Variants in ERCC2 observed in about 807,000 individuals in gnomAD.
ERCC2 encodes general transcription and DNA repair factor IIH helicase subunit XPD.
Under a neutral mutation model 99.4 loss-of-function variants are expected in ERCC2, and 90 were observed. That is an observed-to-expected ratio of 0.91 (90% CI 0.76 to 1.08). The LOEUF is 1.08. Ranked by LOEUF, ERCC2 falls within the 50% of genes least tolerant of loss-of-function variation. The pLI, the probability that ERCC2 is intolerant of heterozygous loss-of-function variation, is 0.00. For missense variants in ERCC2, 993 were observed against 1,038.1 expected, an observed-to-expected ratio of 0.96 and a Z score of 0.60; for synonymous variants, 497 against 432.4, an observed-to-expected ratio of 1.15 and a Z score of -1.85.
rs1359215642 is a variant in ERCC2, at chr19:45,357,330, G to T, written c.1419C>A (p.Phe473Leu). ...PLDIYPKILD[F>L]HPVTMATFTM... The stretch of plus-strand genomic sequence containing the variant: ...TGAAGGTTGCCATGGTGACGGGGTG[G>T]AAGTCCAGGATCTTGGGGTAGATGT... Residue 473 changes from phenylalanine (F) to leucine (L), a missense_variant, in exon 15 of 23, where the codon TTC becomes TTA. Phe to Leu is a conservative substitution (Grantham distance 22, BLOSUM62 0). Coordinates refer to ENST00000391945, the MANE Select transcript of ERCC2 (RefSeq NM_000400.4). The T allele has an allele frequency of 1.4e-5, 22 of 1,614,074 alleles. 1 individual carries two copies. The highest frequency in any genetic ancestry group is 2.2e-5 in the South Asian group (2 of 91,088).
chr19:45,362,604 G>C (rs1042343819), intron 11 of ERCC2, among the ~76,000 whole-genome samples: 1 of 152,244 alleles, frequency 6.6e-6, no homozygotes, highest in African/African-American at 2.4e-5. Flanking sequence ...TCTAACCCCA[G>C]GCGCCTACCC....
intron 15 of ERCC2, among the ~76,000 whole-genome samples, chr19:45,356,042 G>A (rs1210673501): frequency 1.3e-5 from 2 of 152,184 alleles, no homozygotes; most frequent in African/African-American, 4.8e-5. Context: ...TGGGCTCAGA[G>A]AAGGTGAGTT....
chr19:45,361,257 T>C (rs920836744), intron 12 of ERCC2, among the ~76,000 whole-genome samples: 7 of 151,820 alleles, frequency 4.6e-5, no homozygotes, highest in African/African-American at 1.7e-4. Context: ...GCTGACCCCA[T>C]AGAATTTCTC....
intron 5 of ERCC2, among the ~76,000 whole-genome samples, chr19:45,367,166 G>A (rs544458039): frequency 1.3e-5 from 2 of 152,120 alleles, no homozygotes; most frequent in East Asian, 1.9e-4. Flanking sequence ...GTGAAACACC[G>A]TCTCTACTAA....
intron 1 of ERCC2, 128 bp downstream of exon 1, chr19:45,370,408 C>T (rs1015234456): frequency 3.3e-6 from 5 of 1,502,804 alleles, no homozygotes; most frequent in African/African-American, 1.4e-5. Context: ...CTGCTCCCTG[C>T]GGCTGCCCCC....
chr19:45,358,170 C>T (rs942412348), intron 12 of ERCC2: 16 of 241,508 alleles, frequency 6.6e-5, no homozygotes, highest in African/African-American at 2.2e-4. Flanking sequence ...CTGCCTCAGC[C>T]TCTTGAGTAG....
intron 11 of ERCC2, 59 bp downstream of exon 11, chr19:45,363,684 C>G: frequency 6.7e-7 from 1 of 1,494,512 alleles, no homozygotes; most frequent in Non-Finnish European, 8.9e-7. Flanking sequence ...GTGGAGGACA[C>G]GGCTCTGCAT....
chr19:45,357,458 G>A lies in ERCC2; in HGVS notation c.1377+16C>T, dbSNP rs372345067. On this transcript the variant is annotated intron_variant, in intron 14 of 22. Coordinates refer to ENST00000391945, the MANE Select transcript of ERCC2 (RefSeq NM_000400.4). ...GGGAGGTCAGGGACTAGGAGGGGAC[G>A]GGGAAGGGTCCTTACCCCAGATGTG... 2.8e-4 allele frequency: 449 copies of A among 1,613,736 alleles called. No individual in the cohort carries two copies. Among genetic ancestry groups the A allele is most frequent in the East Asian group, 6.5e-4 (29 of 44,800 alleles).
chr19:45,351,365 TGAAC>T lies in ERCC2; in HGVS notation c.*260_*263del. 1 of 1,609,680 alleles carries T rather than the reference TGAAC, an allele frequency of 6.2e-7. No individual in the cohort carries two copies. Among genetic ancestry groups the T allele is most frequent in the Non-Finnish European group, 8.5e-7 (1 of 1,179,978 alleles). On this transcript the variant is annotated 3_prime_UTR_variant, in exon 23 of 23. Coordinates refer to ENST00000391945, the MANE Select transcript of ERCC2 (RefSeq NM_000400.4). ...GACCTGAGCCCCCACTAACGTCCAG[TGAAC>T]TGCGCTGGCCGCAGCTTCTTGGGAA...
chr19:45,355,749 C>T (rs372053001), intron 15 of ERCC2, 21 bp from the exon 16 acceptor site: 172 of 1,611,650 alleles, frequency 1.1e-4, no homozygotes, highest in South Asian at 2.3e-4. Flanking sequence ...ACAGAGGTCA[C>T]GATAAGCGAG....
chr19:45,361,507 GA>G lies in ERCC2; in HGVS notation c.1237+16del, dbSNP rs776704162. 3.7e-5 allele frequency: 59 copies of G among 1,589,196 alleles called. No individual in the cohort carries two copies. Among genetic ancestry groups the G allele is most frequent in the Non-Finnish European group, 5.2e-6 (6 of 1,157,706 alleles). On this transcript the variant is annotated intron_variant, in intron 12 of 22. Transcript: ENST00000391945. ...GCTGCTAGGAGGCCCAGCAGGGACA[GA>G]AAAAGGTGAGCTTACCTTTGGCGTA...
rs573209238 is a variant in ERCC2 at position 45,359,219 on chromosome 19, G to T, written c.1238-1520C>A. Among the ~76,000 whole-genome samples, 12 of 152,254 alleles carry T rather than the reference G, an allele frequency of 7.9e-5. No homozygotes were observed. The South Asian group carries it at 2.5e-3, about 32-fold the overall frequency. On this transcript the variant is annotated intron_variant, in intron 12 of 22. Transcript: ENST00000391945. ...TAAGGATGAGGGGGAGGTGGTTGGG[G>T]GATGAGGAAGATGAGGAAGGATGAT...
intron 5 of ERCC2, among the ~76,000 whole-genome samples, chr19:45,367,606 C>T (rs3916802): frequency 6.6e-6 from 1 of 151,646 alleles, no homozygotes; most frequent in Non-Finnish European, 1.5e-5. Context: ...CAACCTCCCC[C>T]TCGGGAGTTC....
In ERCC2 at chr19:45,355,305, C is replaced by T. The variant is rs150415627; in HGVS notation, c.1543+360G>A. Among the ~76,000 whole-genome samples, 260 of 152,234 alleles carry T rather than the reference C, an allele frequency of 1.7e-3. 1 individual carries two copies. Among genetic ancestry groups the T allele is most frequent in the African/African-American group, 6.1e-3 (254 of 41,508 alleles). ...CCGCAAGGCAGAGACTGCAGTGAGC[C>T]GAGATCATGCCACTGCACTCCAGCC... On this transcript the variant is annotated intron_variant, in intron 16 of 22. Transcript: ENST00000391945.
chr19:45,354,732 G>A lies in ERCC2; in HGVS notation c.1663C>T (p.Gln555Ter). ...MESTVASWYE[Q>*]GILENIQRNK... ...AGGGAGGGGGTGGCCAGGCGTACCT[G>A]CTCATACCAGGAGGCCACGGTGCTC... Residue 555 changes from glutamine (Q) to a stop codon, truncating the protein, a stop_gained and splice_region_variant, in exon 17 of 23, where the codon CAG (glutamine) becomes TAG (stop). Transcript: ENST00000391945. LOFTEE classifies it high-confidence loss of function. 1.2e-6 allele frequency: 2 copies of A among 1,613,886 alleles called. No individual in the cohort carries two copies. The highest frequency in any genetic ancestry group is 1.3e-5 in the African/African-American group (1 of 75,030).
Position 45,350,687 on chromosome 19 carries a change from G to A in ERCC2, c.*942C>T, listed in dbSNP as rs896034965. 6.2e-7 allele frequency: 1 copy of A among 1,613,918 alleles called. No individual in the cohort carries two copies. The highest frequency in any genetic ancestry group is 8.5e-7 in the Non-Finnish European group (1 of 1,179,946). ...CTCTCCAAGATCCGTGAGTCTATCA[G>A]GCGAGGAAGTGAGAAGCTGGTCTCC... On this transcript the variant is annotated 3_prime_UTR_variant, in exon 23 of 23. Transcript: ENST00000391945.
chr19:45,365,294 G>A (rs536668645), intron 5 of ERCC2, 136 bp from the exon 6 acceptor site: 64 of 710,580 alleles, frequency 9.0e-5, no homozygotes, highest in Admixed American at 6.8e-4. Context: ...TAGTTAAGAC[G>A]CGTGGGAACT....
At chr19:45,355,314 G>A (rs1241989131) in intron 16 of ERCC2, among the ~76,000 whole-genome samples, 2 of 151,994 alleles carry the variant, frequency 1.3e-5, no homozygotes, top group African/African-American at 4.8e-5. Flanking sequence ...CCGAGATCAT[G>A]CCACTGCACT....
Position 45,364,280 on chromosome 19 carries a change from T to A in ERCC2, c.770A>T (p.Asp257Val). 6.2e-7 allele frequency: 1 copy of A among 1,613,966 alleles called. No individual in the cohort carries two copies. The highest frequency in any genetic ancestry group is 8.5e-7 in the Non-Finnish European group (1 of 1,179,980). The change falls in exon 9 of 23, where the codon GAC becomes GTC. Residue 257 changes from aspartate (D) to valine (V), a missense_variant. Around this residue, in one of 3 missense-constraint regions of ERCC2, gnomAD observed 909 missense variants for 930.8 expected, o/e 0.98. Coordinates refer to ENST00000391945, the MANE Select transcript of ERCC2 (RefSeq NM_000400.4). ...GGTCTCCAGGTTGCCCTGGCACCGGTCAAGGGTCCGGCGGGTGAGGTTGAC... is the reference window on the plus strand; with the variant it reads ...GGTCTCCAGGTTGCCCTGGCACCGGACAAGGGTCCGGCGGGTGAGGTTGAC... Reference protein sequence around the residue: ...MSVNLTRRTLDRCQGNLETLQ... With the variant: ...MSVNLTRRTLVRCQGNLETLQ...
Sources: gnomAD v4.1 joint callset for allele counts (sites outside exome capture counted in the v4.1 genomes callset) on GRCh38, gnomAD v4.1.1 for gene constraint, gnomAD v4.1.1 regional missense constraint, MANE v1.5 for transcripts, NCBI Gene and HGNC (gene_info 2026-07-23, HGNC 2026-07-21) for gene names.